The following FAT3 variants were observed in gnomAD, a reference collection of about 807,000 sequenced individuals.
FAT3 encodes FAT atypical cadherin 3, also known as protocadherin Fat 3.
Under a neutral mutation model 310.2 loss-of-function variants are expected in FAT3, and 95 were observed. That is an observed-to-expected ratio of 0.31 (90% CI 0.26 to 0.36). The LOEUF is 0.36. FAT3 is among the 10% of genes least tolerant of loss of function. FAT3 has a pLI of 1.00. For missense variants in FAT3, 5,408 were observed against 5,715.6 expected, an observed-to-expected ratio of 0.95 and a Z score of 1.74; for synonymous variants, 2,314 against 2,192.9, an observed-to-expected ratio of 1.06 and a Z score of -1.54.
At chr11:92,432,321 T>G (rs1485548237) in intron 2 of FAT3, among the ~76,000 whole-genome samples, 1 of 152,196 alleles carries the variant, frequency 6.6e-6, no homozygotes, top group Non-Finnish European at 1.5e-5. Context: ...ACAAGAATGC[T>G]TGTGATTTTT....
At chr11:92,376,413 T>C (rs779772650) in intron 2 of FAT3, among the ~76,000 whole-genome samples, 1 of 152,210 alleles carries the variant, frequency 6.6e-6, no homozygotes, top group South Asian at 2.1e-4. Context: ...AAGCAGCCTG[T>C]GTGGGGAACG....
intron 1 of FAT3, among the ~76,000 whole-genome samples, chr11:92,289,774 C>T (rs1428894609): frequency 6.6e-6 from 1 of 152,018 alleles, no homozygotes; most frequent in African/African-American, 2.4e-5. Context: ...AGGATTATTG[C>T]AGTAGCCTCT....
intron 3 of FAT3, among the ~76,000 whole-genome samples, chr11:92,592,124 A>G (rs147655799): frequency 6.6e-6 from 1 of 152,030 alleles, no homozygotes; most frequent in East Asian, 1.9e-4. Context: ...GTATATAGGA[A>G]CTCTGTAACT....
intron 6 of FAT3, among the ~76,000 whole-genome samples, chr11:92,771,037 G>A (rs1946442886): frequency 6.6e-6 from 1 of 152,146 alleles, no homozygotes; most frequent in African/African-American, 2.4e-5. Flanking sequence ...TATGTGGGCT[G>A]TTCACAACCT....
At chr11:92,445,601 C>T (rs1951189880) in intron 2 of FAT3, among the ~76,000 whole-genome samples, 1 of 152,096 alleles carries the variant, frequency 6.6e-6, no homozygotes, top group African/African-American at 2.4e-5. Context: ...TTTAAGACAA[C>T]CTATGAGTGA....
chr11:92,760,226 T>C (rs1002524229), intron 4 of FAT3, among the ~76,000 whole-genome samples: 1 of 152,214 alleles, frequency 6.6e-6, no homozygotes, highest in Non-Finnish European at 1.5e-5. Context: ...AAGCGAGAAC[T>C]TGTGTGAAAA....
intron 2 of FAT3, among the ~76,000 whole-genome samples, chr11:92,494,508 A>AT (rs1422897973): frequency 9.9e-5 from 15 of 152,090 alleles, no homozygotes; most frequent in Admixed American, 9.8e-4. Flanking sequence ...ATCACCATGT[A>AT]TAAACTACAT....
chr11:92,801,725 T>G lies in FAT3; in HGVS notation c.8712T>G (p.Leu2904=). ...VASDLGEAFS[L]SSTALVSVRV... ...CTGACCTTGGAGAGGCATTCTCTCT[T>G]TCCTCCACGGCCTTGGTCTCTGTCA... is the stretch of plus-strand genomic sequence containing the variant. The change falls in exon 10 of 28, where the codon CTT becomes CTG. Residue 2904 remains leucine (L), a synonymous_variant. Transcript: ENST00000525166. 1.2e-6 allele frequency: 2 copies of G among 1,613,938 alleles called. No homozygotes were observed. Among genetic ancestry groups the G allele is most frequent in the East Asian group, 2.2e-5 (1 of 44,880 alleles).
At chr11:92,790,905 C>T (rs139464052) in intron 8 of FAT3, among the ~76,000 whole-genome samples, 4 of 152,154 alleles carry the variant, frequency 2.6e-5, no homozygotes, top group African/African-American at 4.8e-5. Context: ...AGAATCTCTG[C>T]GGCATTGCAC....
chr11:92,859,174 C>G lies in FAT3; in HGVS notation c.11510C>G (p.Ser3837Cys). ...ATAACGGTCTTTTCAGGGCACACTT[C>G]TCTCAGCTTTGCTGGAAACAGTTAC... ...GKLGECSGHT[S>C]LSFAGNSYIK... Residue 3837 changes from serine (S) to cysteine (C), a missense_variant, in exon 21 of 28, where the codon TCT becomes TGT. Coordinates refer to ENST00000525166, the MANE Select transcript of FAT3 (RefSeq NM_001367949.2). 6.2e-7 allele frequency: 1 copy of G among 1,613,522 alleles called. No individual in the cohort carries two copies. The highest frequency in any genetic ancestry group is 8.5e-7 in the Non-Finnish European group (1 of 1,179,800).
At position 92,891,471 on chromosome 11, in the gene FAT3, C is replaced by A. The variant is rs763439984; in HGVS notation, c.*358C>A. ...GAAAGTGTTACAGCATCAGTCCTTG[C>A]AGTATTAAAAACTGGCAACAATCAA... On this transcript the variant is annotated 3_prime_UTR_variant, in exon 28 of 28. Coordinates refer to ENST00000525166, the MANE Select transcript of FAT3 (RefSeq NM_001367949.2). 51 of 253,698 alleles carry A rather than the reference C, an allele frequency of 2.0e-4. No homozygotes were observed. The highest frequency in any genetic ancestry group is 3.6e-4 in the Non-Finnish European group (47 of 128,802). 15.7% of individuals were successfully genotyped at this position (253,698 alleles called of 1,614,324 possible).
chr11:92,546,804 G>C (rs1397741486), intron 3 of FAT3, among the ~76,000 whole-genome samples: 1 of 152,150 alleles, frequency 6.6e-6, no homozygotes, highest in Non-Finnish European at 1.5e-5. Context: ...GGCCTGCCCT[G>C]AACAGTGGAA....
chr11:92,789,927 C>T lies in FAT3; in HGVS notation c.4336-16C>T. 1 of 1,610,622 alleles carries T rather than the reference C, an allele frequency of 6.2e-7. No individual in the cohort carries two copies. The highest frequency in any genetic ancestry group is 1.3e-5 in the African/African-American group (1 of 74,922). On this transcript the variant is annotated splice_polypyrimidine_tract_variant and intron_variant, in intron 7 of 27. Coordinates refer to ENST00000525166, the MANE Select transcript of FAT3 (RefSeq NM_001367949.2). ...AATTGGCATTAGTCATCATTCTTTT[C>T]TTCTTTTAACTACAGGTATTTATCA...
chr11:92,890,487 G>A lies in FAT3; in HGVS notation c.13148-4G>A, dbSNP rs2136441939. 6.2e-7 allele frequency: 1 copy of A among 1,602,206 alleles called. No homozygotes were observed. Among genetic ancestry groups the A allele is most frequent in the Non-Finnish European group, 8.5e-7 (1 of 1,173,762 alleles). On this transcript the variant is annotated splice_polypyrimidine_tract_variant and splice_region_variant and intron_variant, in intron 27 of 27. Transcript: ENST00000525166. ...AATTAACTGTCATGGTTTTTCTCTT[G>A]CAGCCTATCACTGGGACACCTCTGA...
chr11:92,242,869 C>A (rs1311281538), intron 1 of FAT3, among the ~76,000 whole-genome samples: 1 of 151,870 alleles, frequency 6.6e-6, no homozygotes, highest in Non-Finnish European at 1.5e-5. Context: ...TGCTCTTGAT[C>A]TATCCTGGCA....
chr11:92,382,396 T>A (rs1171291724), intron 2 of FAT3, among the ~76,000 whole-genome samples: 1 of 152,174 alleles, frequency 6.6e-6, no homozygotes, highest in Non-Finnish European at 1.5e-5. Flanking sequence ...ATTTGGTAAA[T>A]CTGGTTGTTA....
intron 4 of FAT3, among the ~76,000 whole-genome samples, chr11:92,732,629 T>C (rs1401140061): frequency 6.6e-6 from 1 of 152,230 alleles, no homozygotes; most frequent in Non-Finnish European, 1.5e-5. Context: ...TTCTGAGCTA[T>C]ACAACCTTGG....
At chr11:92,881,736 A>G (rs1413799473) in intron 23 of FAT3, among the ~76,000 whole-genome samples, 3 of 152,222 alleles carry the variant, frequency 2.0e-5, no homozygotes, top group South Asian at 2.1e-4. Flanking sequence ...AAGAAGGTCT[A>G]TGTTCTCAAA....
intron 1 of FAT3, among the ~76,000 whole-genome samples, chr11:92,303,565 T>G (rs877360): frequency 0.84 from 127,987 of 152,114 alleles, 54,013 homozygotes; most frequent in African/African-American, 0.9. Context: ...CAACCAAGTG[T>G]CAGGCATTGC....
Sources: allele counts gnomAD v4.1 joint callset (sites outside exome capture counted in the v4.1 genomes callset), GRCh38; gene constraint gnomAD v4.1.1; transcripts MANE v1.5; gene names NCBI Gene and HGNC (gene_info 2026-07-23, HGNC 2026-07-21).